NRXN3: variants seen among roughly 807,000 people sequenced by gnomAD.
NRXN3 encodes the protein neurexin 3.
Under a neutral mutation model 137.6 loss-of-function variants are expected in NRXN3, and 32 were observed. That is an observed-to-expected ratio of 0.23 (90% CI 0.18 to 0.31). NRXN3 has a LOEUF of 0.31. Among genes scored for constraint, NRXN3 ranks in the 10% least tolerant of loss-of-function variants. The pLI is 1.00. For missense variants in NRXN3, 1,574 were observed against 2,062.5 expected (o/e 0.76, Z 4.59); for synonymous variants, 798 against 784.5 (o/e 1.02, Z -0.29).
At chr14:79,358,649 G>GAAAGAAAA (rs1555397619) in intron 15 of NRXN3, among the ~76,000 whole-genome samples, 4 of 150,690 alleles carry the variant, frequency 2.7e-5, no homozygotes, top group Admixed American at 2.6e-4. Context: ...AAGAAAGAAA[G>GAAAGAAAA]AAAGAAAGAA....
Position 79,861,893 on chromosome 14 carries a change from AAGG to A in NRXN3, c.4648_4650del (p.Glu1550del). The A allele has an allele frequency of 6.2e-7, 1 of 1,614,056 alleles. No homozygotes were observed. Among genetic ancestry groups the A allele is most frequent in the South Asian group, 1.1e-5 (1 of 91,078 alleles). ...CGCCCAGAGCAACGGCACGCTCATG[AAGG>A]AGAAGCAGCAGAGCTCGAAGAGCGG... On this transcript the variant is annotated inframe_deletion, in exon 21 of 21. Transcript: ENST00000335750. The surrounding 1 kb of genome is among the most constrained non-coding windows in gnomAD (Gnocchi z 5.4).
At chr14:78,354,297 C>A (rs574749291) in intron 4 of NRXN3, among the ~76,000 whole-genome samples, 1 of 152,276 alleles carries the variant, frequency 6.6e-6, no homozygotes, top group South Asian at 2.1e-4. Flanking sequence ...CCCAAAGCAG[C>A]CATAGGATCC....
chr14:79,737,812 C>A (rs2098947397), intron 19 of NRXN3, among the ~76,000 whole-genome samples: 1 of 152,166 alleles, frequency 6.6e-6, no homozygotes, highest in East Asian at 1.9e-4. Context: ...CCCTGGTTGG[C>A]CTCTCAAAGT....
At chr14:79,806,720 T>C (rs970969612) in intron 20 of NRXN3, among the ~76,000 whole-genome samples, 5 of 114,038 alleles carry the variant, frequency 4.4e-5, no homozygotes, top group Non-Finnish European at 8.9e-5. Flanking sequence ...TCCTATTCTG[T>C]TTTTTTTTTT....
chr14:79,288,891 A>G (rs879489206), intron 15 of NRXN3, among the ~76,000 whole-genome samples: 2 of 152,190 alleles, frequency 1.3e-5, no homozygotes, highest in African/African-American at 2.4e-5. Context: ...CTCACACTTG[A>G]TATGTCTTTT....
chr14:79,280,457 G>A (rs752457620), intron 15 of NRXN3: 5 of 1,613,958 alleles, frequency 3.1e-6, no homozygotes, highest in East Asian at 4.5e-5. Flanking sequence ...CTCTCAGCAC[G>A]AGCACCATTT....
intron 8 of NRXN3, among the ~76,000 whole-genome samples, chr14:78,719,779 T>C (rs2098451102): frequency 6.6e-6 from 1 of 151,940 alleles, no homozygotes; most frequent in Admixed American, 6.6e-5. Context: ...GAGGTGGAGG[T>C]TGCAGTGAGC....
intron 3 of NRXN3, among the ~76,000 whole-genome samples, chr14:78,286,751 T>C (rs543774641): frequency 1.3e-5 from 2 of 152,322 alleles, no homozygotes; most frequent in South Asian, 2.1e-4. Flanking sequence ...CCCTAAATAA[T>C]GGCAGCAATA....
chr14:78,720,381 ACT>A (rs748134339), intron 8 of NRXN3, among the ~76,000 whole-genome samples: 26 of 152,230 alleles, frequency 1.7e-4, no homozygotes, highest in Admixed American at 1.7e-3. Context: ...TCTTGAATAT[ACT>A]GGAAGAGCAC....
chr14:79,844,630 T>A (rs1347118439), intron 20 of NRXN3, among the ~76,000 whole-genome samples: 3 of 152,102 alleles, frequency 2.0e-5, no homozygotes, highest in African/African-American at 7.2e-5. Flanking sequence ...AAGCACTAGG[T>A]CTCAACAATG....
In NRXN3 at chr14:79,064,094, C is replaced by T. The variant is rs139227197; in HGVS notation, c.3262+75953C>T. On this transcript the variant is annotated intron_variant, in intron 15 of 20. Coordinates refer to ENST00000335750, the MANE Select transcript of NRXN3 (RefSeq NM_001330195.2). Reference sequence around the variant, plus strand: ...AACGGTAAATTACTTGTGTTTGTATCAGCTCTTGAGCCATCTTAAACTACT... The same window carrying T: ...AACGGTAAATTACTTGTGTTTGTATTAGCTCTTGAGCCATCTTAAACTACT... Among the ~76,000 whole-genome samples, 14 of 152,188 alleles carry T rather than the reference C, an allele frequency of 9.2e-5. No individual in the cohort carries two copies. The East Asian group carries it at 2.7e-3, about 29-fold the overall frequency.
At chr14:79,110,199 T>A (rs1273934294) in intron 15 of NRXN3, among the ~76,000 whole-genome samples, 1 of 152,198 alleles carries the variant, frequency 6.6e-6, no homozygotes, top group Non-Finnish European at 1.5e-5. Flanking sequence ...TATAAAAGCA[T>A]GCATTTTCGT....
chr14:79,541,264 G>A (rs919578714), intron 16 of NRXN3, among the ~76,000 whole-genome samples: 2 of 152,122 alleles, frequency 1.3e-5, no homozygotes, highest in East Asian at 1.9e-4. Flanking sequence ...TTAGCCGGGT[G>A]TGGTGGCGCA....
rs33938281 is a variant in NRXN3, at chr14:79,527,871, C to CA, written c.3444+60488dup. ...GGGCGACAGAATGAGACTCCTTCGC[C>CA]AAAAAAAAAAAAAAAAAAAGAAAGA... On this transcript the variant is annotated intron_variant, in intron 16 of 20. Coordinates refer to ENST00000335750, the MANE Select transcript of NRXN3 (RefSeq NM_001330195.2). 4.9e-4 allele frequency among the ~76,000 whole-genome samples: 58 copies of CA among 118,384 alleles called. 1 individual carries two copies. The Middle Eastern group carries it at 0.013, about 26-fold the overall frequency. 77.7% of individuals were successfully genotyped at this position (118,384 alleles called of 152,430 possible). A position where few individuals can be genotyped will look rare whatever the true frequency, so the allele number is the denominator to read the frequency against.
chr14:79,089,057 G>C (rs1245510867), intron 15 of NRXN3, among the ~76,000 whole-genome samples: 3 of 151,958 alleles, frequency 2.0e-5, no homozygotes, highest in Non-Finnish European at 2.9e-5. Context: ...AGCAGGAAGC[G>C]GCAGAGGAAT....
intron 15 of NRXN3, among the ~76,000 whole-genome samples, chr14:79,167,098 T>G (rs2061350961): frequency 6.6e-6 from 1 of 152,036 alleles, no homozygotes; most frequent in Non-Finnish European, 1.5e-5. Context: ...AATTTGAAAA[T>G]TAACCTATCC....
intron 4 of NRXN3, among the ~76,000 whole-genome samples, chr14:78,304,286 A>G (rs1242160755): frequency 6.6e-6 from 1 of 152,220 alleles, no homozygotes; most frequent in African/African-American, 2.4e-5. Context: ...AAGGTCTTGA[A>G]TTTATTCTTA....
chr14:78,469,748 G>A (rs1261738698), intron 4 of NRXN3, among the ~76,000 whole-genome samples: 1 of 152,164 alleles, frequency 6.6e-6, no homozygotes, highest in African/African-American at 2.4e-5. Context: ...AACCCCTGTT[G>A]TCCCATTCAA....
chr14:78,184,685 A>G (rs1425955935), intron 1 of NRXN3, among the ~76,000 whole-genome samples: 1 of 152,194 alleles, frequency 6.6e-6, no homozygotes, highest in Non-Finnish European at 1.5e-5. Context: ...AGTGCATAGA[A>G]ATGTAAAGCC....
Sources: gnomAD v4.1 joint callset for allele counts (sites outside exome capture counted in the v4.1 genomes callset) on GRCh38, gnomAD v4.1.1 for gene constraint, Gnocchi (gnomAD v3.1) non-coding constraint, MANE v1.5 for transcripts, NCBI Gene and HGNC (gene_info 2026-07-23, HGNC 2026-07-21) for gene names.